DGCR2: variants seen among roughly 807,000 people sequenced by gnomAD.
DGCR2 encodes integral membrane protein DGCR2/IDD.
DGCR2 carries 24 observed loss-of-function variants against 51.6 expected under a neutral mutation model. The ratio of observed to expected loss-of-function variants is 0.47; its 90% CI spans 0.34 to 0.65. DGCR2 has a LOEUF of 0.65. Ranked by LOEUF, DGCR2 falls within the 30% of genes least tolerant of loss-of-function variation. The pLI is 0.01. For missense variants in DGCR2, 765 were observed against 772.1 expected (o/e 0.99, Z 0.11); for synonymous variants, 340 against 315.4 (o/e 1.08, Z -0.82).
intron 1 of DGCR2, among the ~76,000 whole-genome samples, chr22:19,106,472 T>C (rs2083262394): frequency 1.3e-5 from 2 of 152,102 alleles, no homozygotes; most frequent in African/African-American, 4.8e-5. Context: ...TCCTCTGTAC[T>C]GGCAGCCACC....
intron 1 of DGCR2, among the ~76,000 whole-genome samples, chr22:19,111,369 C>T (rs932563868): frequency 8.5e-5 from 13 of 152,296 alleles, no homozygotes; most frequent in Middle Eastern, 3.4e-3. Context: ...CAGGTGGTGG[C>T]GCTCCACTTA....
intron 1 of DGCR2, among the ~76,000 whole-genome samples, chr22:19,114,822 G>A (rs1040197473): frequency 7.2e-5 from 11 of 152,254 alleles, no homozygotes; most frequent in Non-Finnish European, 1.6e-4. Flanking sequence ...AAGAGGGCAG[G>A]GTCTACCTGG....
At chr22:19,060,687 A>C (rs765299532) in intron 5 of DGCR2, 16 of 288,832 alleles carry the variant, frequency 5.5e-5, no homozygotes, top group Non-Finnish European at 1.0e-4. Flanking sequence ...CAAATGTTAC[A>C]GAAATCCTGG....
chr22:19,114,091 A>G, intron 1 of DGCR2, among the ~76,000 whole-genome samples: 1 of 147,238 alleles, frequency 6.8e-6, no homozygotes, highest in African/African-American at 2.5e-5. Context: ...AAAAAGAACG[A>G]GTTAAGACAA....
In DGCR2 at chr22:19,059,758, C is replaced by T. The variant is rs547383387; in HGVS notation, c.626-2596G>A. On this transcript the variant is annotated intron_variant, in intron 5 of 9. Transcript: ENST00000263196. ...CCGTCACCAGCCACCGGAGGACACC[C>T]TGCTCCCCAGACTGATACACGAGGG... Among the ~76,000 whole-genome samples the T allele has an allele frequency of 9.2e-5, 14 of 152,266 alleles. No homozygotes were observed. The East Asian group carries it at 2.5e-3, about 27-fold the overall frequency.
intron 2 of DGCR2, among the ~76,000 whole-genome samples, chr22:19,071,545 T>C (rs1474069628): frequency 1.3e-5 from 2 of 152,012 alleles, no homozygotes; most frequent in African/African-American, 4.8e-5. Context: ...TTGAACGCCA[T>C]TCTACAGAAC....
chr22:19,096,965 C>T (rs770808747), intron 1 of DGCR2, among the ~76,000 whole-genome samples: 13 of 151,736 alleles, frequency 8.6e-5, no homozygotes, highest in African/African-American at 1.2e-4. Flanking sequence ...TCCAAATCTA[C>T]GCCCTAACAT....
intron 1 of DGCR2, among the ~76,000 whole-genome samples, chr22:19,112,464 G>C (rs2083327811): frequency 9.7e-6 from 1 of 103,118 alleles, no homozygotes; most frequent in African/African-American, 3.4e-5. Flanking sequence ...GGTTTTTGAG[G>C]CAGGTCTTGC....
At chr22:19,105,802 T>C (rs573879464) in intron 1 of DGCR2, among the ~76,000 whole-genome samples, 2 of 152,242 alleles carry the variant, frequency 1.3e-5, no homozygotes, top group East Asian at 3.9e-4. Context: ...CAGAACCAAC[T>C]GTGATCACAT....
chr22:19,073,159 G>A (rs1365976698), intron 2 of DGCR2, among the ~76,000 whole-genome samples: 1 of 152,136 alleles, frequency 6.6e-6, no homozygotes, highest in East Asian at 1.9e-4. Context: ...AGCTACTCAG[G>A]AGGATGACAC....
intron 7 of DGCR2, among the ~76,000 whole-genome samples, chr22:19,042,220 T>C (rs2146303111): frequency 6.6e-6 from 1 of 152,306 alleles, no homozygotes; most frequent in Non-Finnish European, 1.5e-5. Context: ...CCAACACCCC[T>C]CTGACCATCA....
chr22:19,082,079 A>G (rs116663961), intron 2 of DGCR2, among the ~76,000 whole-genome samples: 1,659 of 135,538 alleles, frequency 0.012, 38 homozygotes, highest in African/African-American at 0.042. Context: ...TTTTTTTTTG[A>G]AACAGGGTCT....
rs753464556 is a variant in DGCR2 at position 19,122,230 on chromosome 22, G to C, written c.-24C>G. ...ATTTATCCTCCGTTCATCGTCCCCG[G>C]GGCGGCTGGAAGGCCGGACCAGGCC... On this transcript the variant is annotated 5_prime_UTR_variant, in exon 1 of 10. Transcript: ENST00000263196. 7.8e-7 allele frequency: 1 copy of C among 1,275,620 alleles called. No homozygotes were observed. Among genetic ancestry groups the C allele is most frequent in the Non-Finnish European group, 1.1e-6 (1 of 951,966 alleles). 79.0% of individuals were successfully genotyped at this position (1,275,620 alleles called of 1,614,324 possible). A position where few individuals can be genotyped will look rare whatever the true frequency, so the allele number is the denominator to read the frequency against.
At chr22:19,063,500 A>G (rs372364546) in intron 4 of DGCR2, among the ~76,000 whole-genome samples, 16 of 148,938 alleles carry the variant, frequency 1.1e-4, no homozygotes, top group South Asian at 6.5e-4. Flanking sequence ...CACCACGCCC[A>G]GCTAATTTTT....
rs372932177 is a variant in DGCR2, at chr22:19,041,968, G to C, written c.1007-9C>G. The stretch of plus-strand genomic sequence containing the variant: ...AAACAGACTGTTGCCATCTGAGGGG[G>C]AGGGGAGGAAATGGCCGCTCTGAGA... On this transcript the variant is annotated splice_polypyrimidine_tract_variant and intron_variant, in intron 7 of 9. Coordinates refer to ENST00000263196, the MANE Select transcript of DGCR2 (RefSeq NM_005137.3). 6.2e-7 allele frequency: 1 copy of C among 1,611,162 alleles called. No individual in the cohort carries two copies.
At position 19,057,681 on chromosome 22, in the gene DGCR2, G is replaced by A. The variant is rs796762212; in HGVS notation, c.626-519C>T. On this transcript the variant is annotated intron_variant, in intron 5 of 9. Transcript: ENST00000263196. This position sits in a 1 kb window ranked among gnomAD's most constrained non-coding sequence, Gnocchi z 5.1. The stretch of plus-strand genomic sequence containing the variant: ...CACTGGCCGGCACTGCCAGCAGCTG[G>A]CTGCAGGGAACACTTAGGAAGCACT... Among the ~76,000 whole-genome samples, 9 of 152,322 alleles carry A rather than the reference G, an allele frequency of 5.9e-5. No homozygotes were observed. Among genetic ancestry groups the A allele is most frequent in the African/African-American group, 2.2e-4 (9 of 41,564 alleles).
intron 1 of DGCR2, among the ~76,000 whole-genome samples, chr22:19,099,209 A>C (rs2083173364): frequency 6.6e-6 from 1 of 152,206 alleles, no homozygotes; most frequent in African/African-American, 2.4e-5. Flanking sequence ...GACATGACAG[A>C]GCTTGCATCC....
intron 5 of DGCR2, among the ~76,000 whole-genome samples, chr22:19,059,411 T>G (rs1953829438): frequency 6.6e-6 from 1 of 151,952 alleles, no homozygotes; most frequent in Non-Finnish European, 1.5e-5. Flanking sequence ...GCACTGGGGA[T>G]GACTCCTGCA....
At chr22:19,040,876 G>A (rs374726466) in intron 9 of DGCR2, among the ~76,000 whole-genome samples, 182 bp downstream of exon 9, 68 of 152,304 alleles carry the variant, frequency 4.5e-4, no homozygotes, top group African/African-American at 1.5e-3. Context: ...GGGCGGCCAG[G>A]CAGGGAGATC....
Sources: gnomAD v4.1 joint callset for allele counts (sites outside exome capture counted in the v4.1 genomes callset) on GRCh38, gnomAD v4.1.1 for gene constraint, Gnocchi (gnomAD v3.1) non-coding constraint, MANE v1.5 for transcripts, NCBI Gene and HGNC (gene_info 2026-07-23, HGNC 2026-07-21) for gene names.